KAZN: variants seen among roughly 807,000 people sequenced by gnomAD.
KAZN encodes the protein kazrin, periplakin interacting protein, also known as kazrin.
In KAZN, 40 loss-of-function variants were observed where a neutral mutation model predicts 87.4. That is an observed-to-expected ratio of 0.46 (90% CI 0.36 to 0.60). The LOEUF (loss-of-function observed/expected upper bound fraction) is 0.60, where lower values mean the gene tolerates loss of function less well. Ranked by LOEUF, KAZN falls within the 20% of genes least tolerant of loss-of-function variation. The pLI is 0.00. For missense variants in KAZN, 898 were observed against 1,073.9 expected, an observed-to-expected ratio of 0.84 and a Z score of 2.29; for synonymous variants, 466 against 458.3, an observed-to-expected ratio of 1.02 and a Z score of -0.22.
At chr1:14,347,506 T>C (rs1168632493) in intron 2 of KAZN, among the ~76,000 whole-genome samples, 1 of 152,078 alleles carries the variant, frequency 6.6e-6, no homozygotes, top group Non-Finnish European at 1.5e-5. Flanking sequence ...TTTAAATTGG[T>C]ATTTGAATCT....
intron 2 of KAZN, among the ~76,000 whole-genome samples, chr1:14,976,971 C>T (rs1288690248): frequency 1.3e-5 from 2 of 152,188 alleles, no homozygotes; most frequent in African/African-American, 4.8e-5. Flanking sequence ...AGGAGGATCA[C>T]GTGAACCCGG....
At chr1:13,943,432 C>A (rs2100975663) in intron 1 of KAZN, among the ~76,000 whole-genome samples, 1 of 152,028 alleles carries the variant, frequency 6.6e-6, no homozygotes, top group South Asian at 2.1e-4. Flanking sequence ...TAGCAAGACC[C>A]CATCTCTATG....
intron 1 of KAZN, among the ~76,000 whole-genome samples, chr1:14,049,851 A>C (rs756203424): frequency 6.6e-6 from 1 of 152,222 alleles, no homozygotes. Flanking sequence ...TTGATCAAAG[A>C]ATCATGGAAT....
chr1:14,191,889 A>G (rs1447947247), intron 2 of KAZN, among the ~76,000 whole-genome samples: 4 of 152,126 alleles, frequency 2.6e-5, no homozygotes, highest in African/African-American at 9.7e-5. Context: ...CTCCAGAGCT[A>G]TCCTAGAGAA....
chr1:14,197,715 GA>G (rs1292903244), intron 2 of KAZN, among the ~76,000 whole-genome samples: 1 of 152,056 alleles, frequency 6.6e-6, no homozygotes, highest in African/African-American at 2.4e-5. Context: ...CAACAAAAAA[GA>G]AAAACCACCA....
At chr1:14,543,000 GT>G (rs1672909577) in intron 2 of KAZN, among the ~76,000 whole-genome samples, 1 of 149,968 alleles carries the variant, frequency 6.7e-6, no homozygotes, top group African/African-American at 2.5e-5. Context: ...GGTTGGGGGG[GT>G]GGGGTACCTA....
chr1:14,570,507 A>G (rs955353566), intron 2 of KAZN, among the ~76,000 whole-genome samples: 2 of 152,156 alleles, frequency 1.3e-5, no homozygotes, highest in Non-Finnish European at 2.9e-5. Context: ...GTTCTTTTAT[A>G]GCTGACATTT....
At chr1:14,542,865 C>T (rs905151742) in intron 2 of KAZN, among the ~76,000 whole-genome samples, 5 of 152,160 alleles carry the variant, frequency 3.3e-5, no homozygotes, top group Admixed American at 2.0e-4. Context: ...TCACACTGCA[C>T]GACTCTAATG....
At chr1:14,104,921 C>T (rs193031675) in intron 1 of KAZN, among the ~76,000 whole-genome samples, 105 of 152,218 alleles carry the variant, frequency 6.9e-4, no homozygotes, top group South Asian at 4.8e-3. Context: ...AAATTGTATG[C>T]AATTTTTTTG....
chr1:14,724,676 T>G (rs1252425380), intron 1 of KAZN, among the ~76,000 whole-genome samples: 1 of 152,244 alleles, frequency 6.6e-6, no homozygotes, highest in East Asian at 1.9e-4. Flanking sequence ...AGAACTGAAA[T>G]GTTCCATTAA....
At chr1:15,010,390 T>A (rs1669459750) in intron 2 of KAZN, among the ~76,000 whole-genome samples, 1 of 143,242 alleles carries the variant, frequency 7.0e-6, no homozygotes, top group African/African-American at 2.6e-5. Context: ...GTCTTGCTTT[T>A]TTTTTTTTTT....
chr1:14,678,437 C>T (rs549771808), intron 1 of KAZN, among the ~76,000 whole-genome samples: 3 of 152,338 alleles, frequency 2.0e-5, no homozygotes, highest in African/African-American at 7.2e-5. Flanking sequence ...CTGTTGACTT[C>T]CCTACTTTTG....
chr1:14,348,106 A>G (rs1344715459), intron 2 of KAZN, among the ~76,000 whole-genome samples: 9 of 143,192 alleles, frequency 6.3e-5, no homozygotes. Context: ...GCTGGAGTGC[A>G]GTGGCATCAT....
chr1:14,226,548 T>C (rs373728804), intron 2 of KAZN, among the ~76,000 whole-genome samples: 2 of 152,310 alleles, frequency 1.3e-5, no homozygotes, highest in African/African-American at 2.4e-5. Context: ...ACCCTATTAC[T>C]GGGTATACAG....
At chr1:14,163,556 C>T (rs1248159462) in intron 1 of KAZN, among the ~76,000 whole-genome samples, 2 of 152,200 alleles carry the variant, frequency 1.3e-5, no homozygotes, top group African/African-American at 4.8e-5. Context: ...ATGCTTCAGC[C>T]TACTTGCCCA....
chr1:14,736,255 GT>G (rs879466523), intron 1 of KAZN, among the ~76,000 whole-genome samples: 36,345 of 83,472 alleles, frequency 0.44, 5,142 homozygotes, highest in South Asian at 0.56. Context: ...GGACTCAAGG[GT>G]GTGTGTGTGT....
At chr1:14,957,826 G>A (rs1412226331) in intron 1 of KAZN, among the ~76,000 whole-genome samples, 3 of 152,240 alleles carry the variant, frequency 2.0e-5, no homozygotes, top group South Asian at 2.1e-4. Context: ...TAGGTGGGGC[G>A]GGGAGGCTGT....
At chr1:13,907,184 C>T (rs991637179) in intron 1 of KAZN, among the ~76,000 whole-genome samples, 3 of 152,186 alleles carry the variant, frequency 2.0e-5, no homozygotes, top group Admixed American at 6.5e-5. Context: ...GAGAAGGTAT[C>T]TCCACCATGC....
chr1:14,540,635 G>C (rs1672754015), intron 2 of KAZN, among the ~76,000 whole-genome samples: 1 of 152,132 alleles, frequency 6.6e-6, no homozygotes. Context: ...GTTCTGTTTT[G>C]TTTTTAACAT....
Sources: allele counts gnomAD v4.1 joint callset (sites outside exome capture counted in the v4.1 genomes callset), GRCh38; gene constraint gnomAD v4.1.1; transcripts MANE v1.5; gene names NCBI Gene and HGNC (gene_info 2026-07-23, HGNC 2026-07-21).